CCDC171: variants seen among roughly 807,000 people sequenced by gnomAD.
The protein encoded by CCDC171 is coiled-coil domain-containing protein 171.
A neutral mutation model predicts 168.2 loss-of-function variants in CCDC171; 177 were observed. The observed-to-expected ratio is 1.05, with a 90% CI of 0.93 to 1.19. CCDC171 has a LOEUF of 1.19. Ranked by LOEUF, CCDC171 falls within the 50% of genes most tolerant of loss-of-function variation. The pLI, the probability that CCDC171 is intolerant of heterozygous loss-of-function variation, is 0.00. For synonymous variants in CCDC171, 687 were observed against 540.8 expected, an observed-to-expected ratio of 1.27 and a Z score of -3.75; for missense variants, 1,991 against 1,539.0, an observed-to-expected ratio of 1.29 and a Z score of -4.91.
intron 25 of CCDC171, among the ~76,000 whole-genome samples, chr9:15,946,019 T>A (rs10810492): frequency 0.33 from 48,806 of 150,044 alleles, 10,016 homozygotes; most frequent in East Asian, 0.64. Flanking sequence ...TTTAGGTCTA[T>A]CGTTTAAGTC....
chr9:15,668,769 C>T (rs2048906192), intron 9 of CCDC171, among the ~76,000 whole-genome samples: 1 of 151,956 alleles, frequency 6.6e-6, no homozygotes, highest in Non-Finnish European at 1.5e-5. Flanking sequence ...GTACTTCTGA[C>T]CATACTTCAG....
chr9:16,007,117 C>T (rs890527281), intron 3 of CCDC171, among the ~76,000 whole-genome samples: 7 of 152,164 alleles, frequency 4.6e-5, no homozygotes, highest in South Asian at 2.1e-4. Context: ...TTTTAATGAT[C>T]GCCTTTCTAA....
chr9:15,904,389 T>C (rs1822195954), intron 24 of CCDC171, among the ~76,000 whole-genome samples: 1 of 151,922 alleles, frequency 6.6e-6, no homozygotes, highest in African/African-American at 2.4e-5. Flanking sequence ...CTTAAAAGAA[T>C]TTTCAACCCA....
the CCDC171 span, among the ~76,000 whole-genome samples, chr9:16,107,697 C>A: frequency 2.6e-5 from 4 of 151,998 alleles, no homozygotes; most frequent in African/African-American, 9.7e-5. Flanking sequence ...TCTCTTAACC[C>A]CTAAATATTT....
chr9:15,915,265 A>G (rs960188121), intron 24 of CCDC171, among the ~76,000 whole-genome samples: 2 of 152,018 alleles, frequency 1.3e-5, no homozygotes, highest in African/African-American at 2.4e-5. Flanking sequence ...TGATCATTGG[A>G]TATTTTTCCA....
rs765682018 is a variant in CCDC171, at chr9:15,623,270, C to A, written c.679C>A (p.Gln227Lys). 1 of 1,555,112 alleles carries A rather than the reference C, an allele frequency of 6.4e-7. No individual in the cohort carries two copies. Among genetic ancestry groups the A allele is most frequent in the Admixed American group, 1.9e-5 (1 of 53,804 alleles). The change falls in exon 7 of 26, where the codon CAA becomes AAA. Residue 227 changes from glutamine (Q) to lysine (K), a missense_variant. Physicochemically the swap from Gln to Lys is moderately conservative, Grantham distance 53 (BLOSUM62 1). Transcript: ENST00000380701. ...RRELQFIVQE[Q>K]DTAVQNMHKK... ...GCAAAAATGAATTATTTTCCAGGAG[C>A]AAGATACTGCTGTGCAAAATATGCA...
chr9:15,872,341 A>G (rs1335195654), intron 23 of CCDC171, among the ~76,000 whole-genome samples: 2 of 152,028 alleles, frequency 1.3e-5, no homozygotes, highest in Non-Finnish European at 2.9e-5. Context: ...CAGCTTAACA[A>G]TGTTCATAAA....
chr9:15,729,504 T>C (rs2054022393), intron 15 of CCDC171, 106 bp from the exon 16 acceptor site: 1 of 608,692 alleles, frequency 1.6e-6, no homozygotes, highest in Non-Finnish European at 2.6e-6. Flanking sequence ...TATATGATCT[T>C]AAGGAATAAA....
chr9:15,618,360 C>T (rs942410138), intron 6 of CCDC171, among the ~76,000 whole-genome samples: 8 of 152,196 alleles, frequency 5.3e-5, no homozygotes, highest in Non-Finnish European at 8.8e-5. Context: ...ATGGCGGTCG[C>T]TGCTTCCCCC....
intron 3 of CCDC171, among the ~76,000 whole-genome samples, chr9:16,002,333 C>G (rs2132952434): frequency 6.6e-6 from 1 of 152,042 alleles, no homozygotes; most frequent in Admixed American, 6.5e-5. Context: ...GACAGTGATA[C>G]TGATGATCTT....
chr9:15,565,890 A>G (rs568875413), intron 2 of CCDC171, among the ~76,000 whole-genome samples: 2 of 152,370 alleles, frequency 1.3e-5, no homozygotes, highest in Admixed American at 1.3e-4. Flanking sequence ...GCAATGCTGT[A>G]TCATATAGTA....
chr9:15,876,711 G>A (rs1251708442), intron 24 of CCDC171, among the ~76,000 whole-genome samples: 1 of 151,886 alleles, frequency 6.6e-6, no homozygotes, highest in African/African-American at 2.4e-5. Context: ...GACTAATTAT[G>A]GGCTAATAGT....
intron 7 of CCDC171, among the ~76,000 whole-genome samples, chr9:15,625,946 A>G (rs1441400470): frequency 6.6e-6 from 1 of 152,190 alleles, no homozygotes; most frequent in Non-Finnish European, 1.5e-5. Flanking sequence ...CTTCCTAACC[A>G]TGAGCGTGGA....
At chr9:15,657,319 G>A (rs1040060918) in intron 8 of CCDC171, 100 bp downstream of exon 8, 1 of 660,536 alleles carries the variant, frequency 1.5e-6, no homozygotes, top group Admixed American at 2.5e-5. Flanking sequence ...TGTGCATTGA[G>A]AATGGGTAAC....
At chr9:15,764,713 A>C (rs2056628823) in intron 18 of CCDC171, among the ~76,000 whole-genome samples, 1 of 152,358 alleles carries the variant, frequency 6.6e-6, no homozygotes, top group South Asian at 2.1e-4. Flanking sequence ...CAAGACAGAT[A>C]AAATTGTAAG....
chr9:15,729,207 A>G (rs1398632213), intron 15 of CCDC171, among the ~76,000 whole-genome samples: 1 of 152,208 alleles, frequency 6.6e-6, no homozygotes, highest in Non-Finnish European at 1.5e-5. Context: ...AAAAATGGTT[A>G]GAACATTCTG....
chr9:15,692,403 G>A lies in CCDC171; in HGVS notation c.1216-2832G>A, dbSNP rs186348268. On this transcript the variant is annotated intron_variant, in intron 10 of 25. Coordinates refer to ENST00000380701, the MANE Select transcript of CCDC171 (RefSeq NM_173550.4). ...AAGACAAGTCATTTTTTGTTTGTTG[G>A]CTTATTTACTTTTTACTCTTTTTTA... Among the ~76,000 whole-genome samples, 72 of 147,302 alleles carry A rather than the reference G, an allele frequency of 4.9e-4. 1 individual carries two copies. Among genetic ancestry groups the A allele is most frequent in the African/African-American group, 1.7e-3 (68 of 41,134 alleles).
intron 3 of CCDC171, among the ~76,000 whole-genome samples, chr9:15,990,442 G>A (rs1227811503): frequency 3.3e-5 from 5 of 152,146 alleles, no homozygotes; most frequent in South Asian, 4.1e-4. Flanking sequence ...ACATGGAAAG[G>A]AACAACCAGT....
chr9:15,682,195 C>G (rs975534900), intron 10 of CCDC171, among the ~76,000 whole-genome samples: 2 of 152,022 alleles, frequency 1.3e-5, no homozygotes, highest in African/African-American at 2.4e-5. Context: ...TTGAGACTTA[C>G]AAATAACTTT....
Sources: allele counts gnomAD v4.1 joint callset (sites outside exome capture counted in the v4.1 genomes callset), GRCh38; gene constraint gnomAD v4.1.1; transcripts MANE v1.5; gene names NCBI Gene and HGNC (gene_info 2026-07-23, HGNC 2026-07-21).